C11orf24: variants seen among roughly 807,000 people sequenced by gnomAD.
C11orf24 encodes uncharacterized protein C11orf24.
Under a neutral mutation model 7.3 loss-of-function variants are expected in C11orf24, and 5 were observed. The ratio of observed to expected loss-of-function variants is 0.69; its 90% CI spans 0.36 to 1.45. The LOEUF (loss-of-function observed/expected upper bound fraction) is 1.45, where lower values mean the gene tolerates loss of function less well. Ranked by LOEUF, C11orf24 falls within the 40% of genes most tolerant of loss-of-function variation. The probability of loss-of-function intolerance (pLI) is 0.03; values close to 1 mark genes in which losing one functional copy is unlikely to be tolerated. For missense variants in C11orf24, 566 were observed against 590.5 expected, an observed-to-expected ratio of 0.96 and a Z score of 0.43; for synonymous variants, 233 against 235.7, an observed-to-expected ratio of 0.99 and a Z score of 0.11.
chr11:68,270,974 T>C (rs921251651), intron 1 of C11orf24, among the ~76,000 whole-genome samples: 1 of 152,186 alleles, frequency 6.6e-6, no homozygotes, highest in Non-Finnish European at 1.5e-5. Context: ...TTATATTACA[T>C]TAACTACCTT....
At chr11:68,263,984 C>A in intron 2 of C11orf24, 118 bp from the exon 3 acceptor site, 1 of 563,044 alleles carries the variant, frequency 1.8e-6, no homozygotes, top group Non-Finnish European at 3.2e-6. Context: ...GAGCCAAGTG[C>A]TGAGACCAGG....
intron 1 of C11orf24, among the ~76,000 whole-genome samples, chr11:68,269,423 G>A (rs2098566772): frequency 6.6e-6 from 1 of 152,228 alleles, no homozygotes; most frequent in African/African-American, 2.4e-5. Context: ...GTACTCAGGA[G>A]ATTACAGAAA....
chr11:68,263,212 G>A, intron 3 of C11orf24: 1 of 475,422 alleles, frequency 2.1e-6, no homozygotes. Flanking sequence ...CAAAACATCA[G>A]AGTAAAAGTC....
intron 2 of C11orf24, among the ~76,000 whole-genome samples, chr11:68,264,533 T>C (rs62636412): frequency 1.9e-5 from 2 of 104,884 alleles, no homozygotes; most frequent in Non-Finnish European, 4.1e-5. Flanking sequence ...CATCCATCCA[T>C]CCATCCATCC....
rs2098563120 is a variant in C11orf24, at chr11:68,263,678, G to A, written c.76+14C>T. ...CGTGGGCCCATCCAGCAGTCACACA[G>A]CTTTCTCACTTACGTGGATCGTTGG... is the stretch of plus-strand genomic sequence containing the variant. On this transcript the variant is annotated intron_variant, in intron 3 of 3. Transcript: ENST00000304271. The A allele has an allele frequency of 6.2e-7, 1 of 1,612,414 alleles. No homozygotes were observed.
At chr11:68,263,567 C>T (rs929276362) in intron 3 of C11orf24, 125 bp downstream of exon 3, 3 of 831,284 alleles carry the variant, frequency 3.6e-6, no homozygotes, top group South Asian at 3.4e-5. Context: ...CTTCCCTGTG[C>T]GGCACCTGGG....
At chr11:68,266,577 G>A (rs1014841032) in intron 2 of C11orf24, among the ~76,000 whole-genome samples, 2 of 152,152 alleles carry the variant, frequency 1.3e-5, no homozygotes, top group African/African-American at 4.8e-5. Context: ...CAGATCTAGA[G>A]TGCAAAAAGC....
In C11orf24 at chr11:68,268,169, G is replaced by A. The variant is rs1263882212; in HGVS notation, c.-215C>T. On this transcript the variant is annotated 5_prime_UTR_variant, in exon 2 of 4. The change creates a new upstream start codon in the 5' untranslated region. Transcript: ENST00000304271. ...TGGCTTTGCAGGGGGTGAAAGCCAC[G>A]TGGTGGGGCACTCCCGGGCCATGCC... 3.9e-5 allele frequency: 6 copies of A among 152,388 alleles called. No homozygotes were observed. Among genetic ancestry groups the A allele is most frequent in the African/African-American group, 1.2e-4 (5 of 41,468 alleles). 9.4% of individuals were successfully genotyped at this position (152,388 alleles called of 1,614,324 possible).
At chr11:68,268,591 C>G (rs533105886) in intron 1 of C11orf24, among the ~76,000 whole-genome samples, 2 of 152,272 alleles carry the variant, frequency 1.3e-5, no homozygotes, top group South Asian at 2.1e-4. Flanking sequence ...ACTTGGGAGG[C>G]TGAGGCAGGA....
At chr11:68,267,844 C>T (rs1220825926) in intron 2 of C11orf24, 1 of 152,296 alleles carries the variant, frequency 6.6e-6, no homozygotes, top group Non-Finnish European at 1.5e-5. Flanking sequence ...CAGAACCAGA[C>T]ATTGTCTCAA....
chr11:68,262,166 G>T lies in C11orf24; in HGVS notation c.829C>A (p.Pro277Thr). 1 of 1,614,012 alleles carries T rather than the reference G, an allele frequency of 6.2e-7. No homozygotes were observed. The highest frequency in any genetic ancestry group is 8.5e-7 in the Non-Finnish European group (1 of 1,179,966). ...VNTTNKSTPM[P>T]SNTTPEPAPT... ...GCGGGCTCTGGGGTTGTGTTTGAGG[G>T]CATGGGTGTGGATTTATTTGTTGTG... The change falls in exon 4 of 4, where the codon CCC becomes ACC. Residue 277 changes from proline (P) to threonine (T), a missense_variant. Physicochemically the swap from Pro to Thr is conservative, Grantham distance 38. Transcript: ENST00000304271.
rs1205946812 is a variant in C11orf24 at position 68,263,729 on chromosome 11, C to G, written c.39G>C (p.Leu13Phe). ...ATGCCGCATGGCTTTCAGATAAGGA[C>G]AAGGAGAAAATCCAAATGAGCACAA... is the stretch of plus-strand genomic sequence containing the variant. ...TALVLIWIFS[L>F]SLSESHAASN... Residue 13 changes from leucine to phenylalanine, a missense_variant, in exon 3 of 4, where the codon TTG becomes TTC. By Grantham distance (22) the Leu-to-Phe change is conservative. Transcript: ENST00000304271. The G allele has an allele frequency of 6.2e-7, 1 of 1,613,588 alleles. No homozygotes were observed.
In C11orf24 at chr11:68,266,253, G is replaced by A. The variant is rs537600667; in HGVS notation, c.-100+1801C>T. 1.5e-4 allele frequency among the ~76,000 whole-genome samples: 23 copies of A among 152,296 alleles called. No homozygotes were observed. The East Asian group carries it at 1.5e-3, about 10-fold the overall frequency. ...CACACGGGCAAGGACCCAGCATGGC[G>A]CCTGGCTTAGCCAGCAGCCCACCCG... is the stretch of plus-strand genomic sequence containing the variant. On this transcript the variant is annotated intron_variant, in intron 2 of 3. Coordinates refer to ENST00000304271, the MANE Select transcript of C11orf24 (RefSeq NM_022338.4).
chr11:68,269,895 A>G (rs2098567051), intron 1 of C11orf24, among the ~76,000 whole-genome samples: 1 of 152,186 alleles, frequency 6.6e-6, no homozygotes. Flanking sequence ...CCACTTTCCA[A>G]CAGAATATTC....
chr11:68,264,980 G>C (rs1376838234), intron 2 of C11orf24, among the ~76,000 whole-genome samples: 1 of 151,832 alleles, frequency 6.6e-6, no homozygotes, highest in South Asian at 2.1e-4. Flanking sequence ...AGGGTGGCTG[G>C]GCCCCAGAGG....
At chr11:68,268,715 C>T (rs1454714481) in intron 1 of C11orf24, among the ~76,000 whole-genome samples, 1 of 152,162 alleles carries the variant, frequency 6.6e-6, no homozygotes, top group Non-Finnish European at 1.5e-5. Context: ...CAAAAAACAA[C>T]AACGACTTCC....
At position 68,263,733 on chromosome 11, in the gene C11orf24, G is replaced by A. The variant is rs2098563156; in HGVS notation, c.35C>T (p.Ser12Phe). 1 of 1,613,588 alleles carries A rather than the reference G, an allele frequency of 6.2e-7. No individual in the cohort carries two copies. The highest frequency in any genetic ancestry group is 8.5e-7 in the Non-Finnish European group (1 of 1,179,988). ...CGCATGGCTTTCAGATAAGGACAAG[G>A]AGAAAATCCAAATGAGCACAAGAGC... ...WTALVLIWIF[S>F]LSLSESHAAS... Residue 12 changes from serine (S) to phenylalanine (F), a missense_variant, in exon 3 of 4, where the codon TCC becomes TTC. Ser to Phe is a radical substitution (Grantham distance 155). Transcript: ENST00000304271.
At position 68,262,146 on chromosome 11, in the gene C11orf24, C is replaced by T. The variant is rs754784811; in HGVS notation, c.849G>A (p.Glu283=). The stretch of plus-strand genomic sequence containing the variant: ...TCACCACTGTGGGGGTGGGGGCGGG[C>T]TCTGGGGTTGTGTTTGAGGGCATGG... ...STPMPSNTTP[E]PAPTPTVVTT... Residue 283 remains glutamate, a synonymous_variant, in exon 4 of 4, where the codon GAG becomes GAA. Coordinates refer to ENST00000304271, the MANE Select transcript of C11orf24 (RefSeq NM_022338.4). The T allele has an allele frequency of 6.2e-7, 1 of 1,613,638 alleles. No homozygotes were observed.
chr11:68,265,530 C>T (rs143044140), intron 2 of C11orf24, among the ~76,000 whole-genome samples: 1,655 of 152,282 alleles, frequency 0.011, 22 homozygotes, highest in African/African-American at 0.037. Context: ...AGATGGGTCT[C>T]GCTCTGCTGC....
Sources: gnomAD v4.1 joint callset for allele counts (sites outside exome capture counted in the v4.1 genomes callset) on GRCh38, gnomAD v4.1.1 for gene constraint, MANE v1.5 for transcripts, NCBI Gene and HGNC (gene_info 2026-07-23, HGNC 2026-07-21) for gene names.